Variants in SUPT6H observed in about 807,000 individuals in gnomAD.
SUPT6H encodes transcription elongation factor SPT6.
In SUPT6H, 11 loss-of-function variants were observed where a neutral mutation model predicts 222.3. The ratio of observed to expected loss-of-function variants is 0.05; its 90% CI spans 0.03 to 0.08. The LOEUF is 0.08. Ranked by LOEUF, SUPT6H falls within the 10% of genes least tolerant of loss-of-function variation. The probability of loss-of-function intolerance (pLI) is 1.00; values close to 1 mark genes in which losing one functional copy is unlikely to be tolerated. For missense variants in SUPT6H, 1,422 were observed against 2,216.0 expected (o/e 0.64, Z 7.19); for synonymous variants, 762 against 801.2 (o/e 0.95, Z 0.83).
intron 28 of SUPT6H, among the ~76,000 whole-genome samples, chr17:28,694,543 C>T (rs144100520): frequency 2.0e-3 from 308 of 152,274 alleles, no homozygotes; most frequent in African/African-American, 7.1e-3. Context: ...AGAACTATGA[C>T]TTAGGAGGGC....
chr17:28,674,269 T>C lies in SUPT6H; in HGVS notation c.110-14T>C. 6.2e-7 allele frequency: 1 copy of C among 1,613,998 alleles called. No individual in the cohort carries two copies. Among genetic ancestry groups the C allele is most frequent in the Non-Finnish European group, 8.5e-7 (1 of 1,180,002 alleles). On this transcript the variant is annotated splice_polypyrimidine_tract_variant and intron_variant, in intron 2 of 36. Transcript: ENST00000314616. ...TTTTTCAGTCTCCATGCCTCAAACA[T>C]GCATGTCTTCCAGATGAGGAGGAGG...
At chr17:28,670,711 A>AC (rs2030360828) in intron 1 of SUPT6H, among the ~76,000 whole-genome samples, 1 of 151,888 alleles carries the variant, frequency 6.6e-6, no homozygotes, top group African/African-American at 2.4e-5. Flanking sequence ...ACATGGAGAA[A>AC]CCCCCTCTCT....
rs376272646 is a variant in SUPT6H, at chr17:28,675,012, G to A, written c.388G>A (p.Asp130Asn). The change falls in exon 5 of 37, where the codon GAT becomes AAT. Residue 130 changes from aspartate (D) to asparagine (N), a missense_variant. Coordinates refer to ENST00000314616, the MANE Select transcript of SUPT6H (RefSeq NM_003170.5). ...CAAAAAAATGTCAGATGACGAGGAC[G>A]ATGACGAGGAGGAATATGGCAAGGA... The part of the protein sequence containing the change: ...RVKKMSDDED[D>N]DEEEYGKEEH... 32 of 1,613,976 alleles carry A rather than the reference G, an allele frequency of 2.0e-5. No individual in the cohort carries two copies. In the African/African-American group the frequency reaches 2.9e-4, roughly 15 times the overall value.
intron 9 of SUPT6H, 95 bp downstream of exon 9, chr17:28,678,287 C>G (rs528920705): frequency 8.9e-7 from 1 of 1,129,736 alleles, no homozygotes; most frequent in African/African-American, 1.6e-5. Context: ...GCCCCCTTCC[C>G]GTATCCCCTA....
intron 13 of SUPT6H, 199 bp downstream of exon 13, chr17:28,682,179 C>G (rs1243229966): frequency 4.0e-6 from 2 of 496,660 alleles, no homozygotes; most frequent in Non-Finnish European, 7.2e-6. Context: ...CAGCCTCTCC[C>G]TAATTTCCTG....
At chr17:28,664,975 CCAT>C (rs2029930213) in intron 1 of SUPT6H, among the ~76,000 whole-genome samples, 1 of 152,232 alleles carries the variant, frequency 6.6e-6, no homozygotes, top group Non-Finnish European at 1.5e-5. Flanking sequence ...CAAGCCACCA[CCAT>C]CTTTTGCCTG....
rs1405401400 is a variant in SUPT6H, at chr17:28,686,222, G to A, written c.2488-117G>A. 9 of 915,454 alleles carry A rather than the reference G, an allele frequency of 9.8e-6. No homozygotes were observed. In the East Asian group the frequency reaches 2.0e-4, roughly 21 times the overall value. The allele number at this position is 915,454 out of a possible 1,614,324, so 56.7% of individuals were successfully genotyped here. A position where few individuals can be genotyped will look rare whatever the true frequency, so the allele number is the denominator to read the frequency against. ...GGAATAGTTCCTTGGTAGCACCTTG[G>A]ACCAGATATCTTCTGAAGACTTCCA... On this transcript the variant is annotated intron_variant, in intron 19 of 36. Transcript: ENST00000314616.
intron 14 of SUPT6H, 25 bp from the exon 15 acceptor site, chr17:28,682,917 T>C (rs778343119): frequency 4.3e-6 from 7 of 1,612,134 alleles, no homozygotes; most frequent in Non-Finnish European, 5.1e-6. Flanking sequence ...ACCCTGGTCC[T>C]GTAGCTGCAC....
Position 28,687,465 on chromosome 17 carries a change from C to A in SUPT6H, c.3000C>A (p.Leu1000=), listed in dbSNP as rs28588628. The A allele has an allele frequency of 0.094, 152,178 of 1,613,502 alleles. 7,803 individuals are homozygous for A. Among genetic ancestry groups the A allele is most frequent in the South Asian group, 0.15 (13,754 of 90,980 alleles). ...TGGGACCTCGGAAAGGGACCCACCT[C>A]CTGAAGGTAGGATTGGAGTGAATTC... The part of the protein sequence containing the change: ...CGLGPRKGTH[L]LKILKQNNTR... Residue 1000 remains leucine, a synonymous_variant, in exon 23 of 37, where the codon CTC becomes CTA. Transcript: ENST00000314616.
chr17:28,692,760 G>C (rs1484571900), intron 27 of SUPT6H, among the ~76,000 whole-genome samples: 1 of 147,992 alleles, frequency 6.8e-6, no homozygotes, highest in Non-Finnish European at 1.5e-5. Context: ...CCAGCACTTT[G>C]GGAGGCCAAG....
chr17:28,684,990 G>A (rs1269376436), intron 19 of SUPT6H, 29 bp downstream of exon 19: 19 of 1,587,240 alleles, frequency 1.2e-5, no homozygotes, highest in Non-Finnish European at 1.6e-5. Flanking sequence ...GATACTAAGT[G>A]TACATCTGGA....
intron 26 of SUPT6H, 25 bp downstream of exon 26, chr17:28,690,254 T>C (rs758046810): frequency 5.6e-6 from 9 of 1,611,558 alleles, no homozygotes; most frequent in East Asian, 2.2e-5. Flanking sequence ...CATTTTTTTA[T>C]TGGGGGCAGG....
chr17:28,683,188 G>A, intron 15 of SUPT6H, 80 bp from the exon 16 acceptor site: 1 of 1,576,386 alleles, frequency 6.3e-7, no homozygotes, highest in South Asian at 1.2e-5. Context: ...CTGTGTGTCT[G>A]AAAGCAGAAA....
rs547927684 is a variant in SUPT6H, at chr17:28,697,173, G to A, written c.4209+91G>A. ...CTTTCACCTGACATTAGTAACTCGG[G>A]TCATAGGTATTTTAGCTGTGCACAG... On this transcript the variant is annotated intron_variant, in intron 30 of 36. Transcript: ENST00000314616. 1.2e-5 allele frequency: 13 copies of A among 1,090,910 alleles called. No individual in the cohort carries two copies. The African/African-American group carries it at 1.2e-4, about 10-fold the overall frequency. The allele number at this position is 1,090,910 out of a possible 1,614,324, so 67.6% of individuals were successfully genotyped here.
At chr17:28,689,595 C>G (rs2031548276) in intron 25 of SUPT6H, 34 bp downstream of exon 25, 1 of 1,608,642 alleles carries the variant, frequency 6.2e-7, no homozygotes, top group Admixed American at 1.7e-5. Flanking sequence ...GGCAGGAGAA[C>G]CCATCCCAAG....
At position 28,676,316 on chromosome 17, in the gene SUPT6H, G is replaced by A; in HGVS notation, c.783G>A (p.Lys261=). 1 of 1,613,954 alleles carries A rather than the reference G, an allele frequency of 6.2e-7. No homozygotes were observed. The highest frequency in any genetic ancestry group is 8.5e-7 in the Non-Finnish European group (1 of 1,180,004). The change falls in exon 7 of 37, where the codon AAG becomes AAA. Residue 261 remains lysine (K), a synonymous_variant. Coordinates refer to ENST00000314616, the MANE Select transcript of SUPT6H (RefSeq NM_003170.5). Reference sequence around the variant, plus strand: ...TGCGCCCCAAGAAGACCACCAAGAAGCGTGTGAGCCGTAGGAGCATCTTTG... The same window carrying A: ...TGCGCCCCAAGAAGACCACCAAGAAACGTGTGAGCCGTAGGAGCATCTTTG... ...IRVRPKKTTK[K]RVSRRSIFEM... is the part of the protein sequence containing the mutation.
intron 6 of SUPT6H, among the ~76,000 whole-genome samples, 197 bp from the exon 7 acceptor site, chr17:28,675,960 T>A (rs1317259572): frequency 6.6e-6 from 1 of 152,180 alleles, no homozygotes; most frequent in Non-Finnish European, 1.5e-5. Flanking sequence ...AGATGAGCTT[T>A]TTAATCTTCC....
intron 4 of SUPT6H, 54 bp from the exon 5 acceptor site, chr17:28,674,916 T>C: frequency 1.3e-6 from 2 of 1,570,518 alleles, no homozygotes; most frequent in Non-Finnish European, 1.7e-6. Flanking sequence ...GGAGATTTGG[T>C]ATCCGTATGC....
At chr17:28,670,403 T>C (rs2030342556) in intron 1 of SUPT6H, 1 of 152,222 alleles carries the variant, frequency 6.6e-6, no homozygotes, top group African/African-American at 2.4e-5. Flanking sequence ...CTCAGGGTAC[T>C]TTTTAAAAAA....
Sources: allele counts gnomAD v4.1 joint callset (sites outside exome capture counted in the v4.1 genomes callset), GRCh38; gene constraint gnomAD v4.1.1; transcripts MANE v1.5; gene names NCBI Gene and HGNC (gene_info 2026-07-23, HGNC 2026-07-21).